The following NFIB variants were observed in gnomAD, a reference collection of about 807,000 sequenced individuals.
The protein encoded by NFIB is nuclear factor 1 B-type.
Under a neutral mutation model 61.5 loss-of-function variants are expected in NFIB, and 11 were observed. That is an observed-to-expected ratio of 0.18 (90% confidence interval 0.11 to 0.30). The LOEUF (loss-of-function observed/expected upper bound fraction) is 0.30. Among genes scored for constraint, NFIB ranks in the 10% least tolerant of loss-of-function variants. The pLI is 1.00. For synonymous variants in NFIB, 260 were observed against 216.5 expected, an observed-to-expected ratio of 1.20 and a Z score of -1.76; for missense variants, 471 against 608.9, an observed-to-expected ratio of 0.77 and a Z score of 2.38.
intron 4 of NFIB, among the ~76,000 whole-genome samples, chr9:14,155,284 T>A (rs1308930495): frequency 1.3e-5 from 2 of 152,154 alleles, no homozygotes; most frequent in Non-Finnish European, 2.9e-5. Flanking sequence ...AAGAATGGTG[T>A]CTCAGGTGAA....
At chr9:14,518,187 C>A in the NFIB span, among the ~76,000 whole-genome samples, 1 of 152,164 alleles carries the variant, frequency 6.6e-6, no homozygotes, top group Admixed American at 6.5e-5. Context: ...ACATTCGCAA[C>A]AAGGTCATCA....
At chr9:14,159,561 C>T (rs1479414202) in intron 3 of NFIB, among the ~76,000 whole-genome samples, 3 of 152,168 alleles carry the variant, frequency 2.0e-5, no homozygotes, top group Non-Finnish European at 2.9e-5. Flanking sequence ...CAGATGGCTG[C>T]CACCTTCATG....
chr9:14,102,733 A>G (rs2035962282), intron 10 of NFIB, among the ~76,000 whole-genome samples: 1 of 152,230 alleles, frequency 6.6e-6, no homozygotes, highest in South Asian at 2.1e-4. Context: ...TCTATTAATT[A>G]AAGCATACAA....
upstream of NFIB, chr9:14,317,080 A>T (rs538423885): frequency 3.9e-5 from 6 of 152,188 alleles, no homozygotes; most frequent in East Asian, 1.2e-3. Flanking sequence ...TTTCAGCCTG[A>T]GAGCCCAGAA....
At chr9:14,525,324 T>C in the NFIB span, among the ~76,000 whole-genome samples, 1 of 152,276 alleles carries the variant, frequency 6.6e-6, no homozygotes, top group South Asian at 2.1e-4. Context: ...AATGGTTGGG[T>C]TCTTGGGAAA....
intron 10 of NFIB, among the ~76,000 whole-genome samples, chr9:14,107,477 A>C (rs2036736600): frequency 6.6e-6 from 1 of 152,110 alleles, no homozygotes; most frequent in African/African-American, 2.4e-5. Flanking sequence ...GAGCAGAATA[A>C]ACATTATTAA....
At chr9:14,352,750 A>G (rs2061128806) in intron 1 of NFIB, among the ~76,000 whole-genome samples, 2 of 152,222 alleles carry the variant, frequency 1.3e-5, no homozygotes, top group Non-Finnish European at 2.9e-5. Context: ...CAGGGAAAGG[A>G]CTGTGTAAAC....
At chr9:14,395,953 G>C (rs1388376469) in intron 1 of NFIB, among the ~76,000 whole-genome samples, 1 of 151,898 alleles carries the variant, frequency 6.6e-6, no homozygotes, top group African/African-American at 2.4e-5. Flanking sequence ...CACTGCAGCT[G>C]TCAGTGTTGG....
intron 10 of NFIB, among the ~76,000 whole-genome samples, chr9:14,104,646 T>C (rs903420363): frequency 6.6e-6 from 1 of 151,858 alleles, no homozygotes; most frequent in African/African-American, 2.4e-5. Flanking sequence ...ACTGGTACGA[T>C]CATGGTTCAC....
chr9:14,272,348 T>C (rs533147274), intron 2 of NFIB, among the ~76,000 whole-genome samples: 5 of 152,292 alleles, frequency 3.3e-5, no homozygotes, highest in African/African-American at 1.2e-4. Context: ...CTTAATAGGA[T>C]GATGACCCAT....
chr9:14,193,249 T>G (rs2048142962), intron 2 of NFIB, among the ~76,000 whole-genome samples: 1 of 152,010 alleles, frequency 6.6e-6, no homozygotes, highest in South Asian at 2.1e-4. Flanking sequence ...TCCTAGTCTC[T>G]CTAACCAATT....
At chr9:14,237,762 C>CTGTGTGTGTGTGTGTGTG (rs1563932366) in intron 2 of NFIB, among the ~76,000 whole-genome samples, 1 of 105,810 alleles carries the variant, frequency 9.5e-6, no homozygotes, top group African/African-American at 4.1e-5. Context: ...CTAGGTATAA[C>CTGTGTGTGTGTGTGTGTG]AGTGTGTGTG....
At chr9:14,212,801 C>A (rs2050453524) in intron 2 of NFIB, among the ~76,000 whole-genome samples, 1 of 152,166 alleles carries the variant, frequency 6.6e-6, no homozygotes, top group Non-Finnish European at 1.5e-5. Context: ...TTCACATAAG[C>A]CACCTTACGC....
chr9:14,241,287 T>C (rs148534535), intron 2 of NFIB, among the ~76,000 whole-genome samples: 1 of 152,256 alleles, frequency 6.6e-6, no homozygotes, highest in African/African-American at 2.4e-5. Context: ...GTTTAGGTAA[T>C]AAGTAGATAA....
At chr9:14,229,865 G>A (rs940690958) in intron 2 of NFIB, among the ~76,000 whole-genome samples, 5 of 152,130 alleles carry the variant, frequency 3.3e-5, no homozygotes, top group African/African-American at 7.2e-5. Context: ...GCAATGGCGC[G>A]ATCTCGGCTC....
At chr9:14,235,505 G>A (rs1310516626) in intron 2 of NFIB, among the ~76,000 whole-genome samples, 1 of 152,080 alleles carries the variant, frequency 6.6e-6, no homozygotes, top group African/African-American at 2.4e-5. Flanking sequence ...GATCCCTTTG[G>A]GTTTTCATGG....
At chr9:14,494,403 C>T in the NFIB span, among the ~76,000 whole-genome samples, 7 of 152,280 alleles carry the variant, frequency 4.6e-5, no homozygotes, top group South Asian at 2.1e-4. Flanking sequence ...ATGCCAAAGA[C>T]GTAAACATGA....
intron 2 of NFIB, among the ~76,000 whole-genome samples, chr9:14,231,186 G>T (rs1372694298): frequency 7.6e-6 from 1 of 130,758 alleles, no homozygotes; most frequent in Non-Finnish European, 1.6e-5. Context: ...ACATTTGTTT[G>T]TAAGTTCAGA....
At chr9:14,366,653 T>C (rs1316967000) in intron 1 of NFIB, among the ~76,000 whole-genome samples, 2 of 151,876 alleles carry the variant, frequency 1.3e-5, no homozygotes, top group South Asian at 2.1e-4. Context: ...ACCTGGCTAG[T>C]TTTTTGTATT....
Sources: gnomAD v4.1 joint callset for allele counts (sites outside exome capture counted in the v4.1 genomes callset) on GRCh38, gnomAD v4.1.1 for gene constraint, MANE v1.5 for transcripts, NCBI Gene and HGNC (gene_info 2026-07-23, HGNC 2026-07-21) for gene names.